The following MUSK variants were observed in gnomAD, a reference collection of about 807,000 sequenced individuals.
MUSK encodes muscle, skeletal receptor tyrosine-protein kinase.
In MUSK, 55 loss-of-function variants were observed where a neutral mutation model predicts 88.7. The observed-to-expected ratio is 0.62, with a 90% CI of 0.50 to 0.78. The LOEUF (loss-of-function observed/expected upper bound fraction) is 0.78, where lower values mean the gene tolerates loss of function less well. Among genes scored for constraint, MUSK ranks in the 30% least tolerant of loss-of-function variants. MUSK has a pLI of 0.00. For missense variants in MUSK, 1,015 were observed against 1,074.3 expected, an observed-to-expected ratio of 0.94 and a Z score of 0.77; for synonymous variants, 387 against 391.9, an observed-to-expected ratio of 0.99 and a Z score of 0.15.
intron 11 of MUSK, among the ~76,000 whole-genome samples, chr9:110,782,476 G>A (rs1353067607): frequency 6.6e-6 from 1 of 152,060 alleles, no homozygotes; most frequent in African/African-American, 2.4e-5. Context: ...CTTTTAACAT[G>A]ACAGTAAATT....
intron 6 of MUSK, 97 bp downstream of exon 6, chr9:110,734,472 T>C (rs765837531): frequency 3.2e-5 from 48 of 1,510,800 alleles, no homozygotes; most frequent in Non-Finnish European, 3.9e-5. Context: ...ATCTCTGTCA[T>C]TGGTCTCACC....
intron 6 of MUSK, among the ~76,000 whole-genome samples, chr9:110,742,270 C>T (rs146085463): frequency 4.3e-4 from 66 of 152,088 alleles, no homozygotes; most frequent in African/African-American, 6.3e-4. Flanking sequence ...CTGGCTAACA[C>T]GGTGAAAACC....
intron 5 of MUSK, among the ~76,000 whole-genome samples, chr9:110,720,435 G>T (rs1399512929): frequency 6.6e-6 from 1 of 151,910 alleles, no homozygotes; most frequent in South Asian, 2.1e-4. Flanking sequence ...ACAGAAATAT[G>T]AAACATTATT....
chr9:110,768,031 A>G lies in MUSK; in HGVS notation c.1132A>G (p.Ile378Val). Residue 378 changes from isoleucine (I) to valine (V), a missense_variant, in exon 9 of 15, where the codon ATC (isoleucine) becomes GTC (valine). Transcript: ENST00000374448. ...TGCTGAGGCTTTGTTGTGTAACCACATCTTCCAGGAGTGCAGTCCTGGAGT... is the reference window on the plus strand; with the variant it reads ...TGCTGAGGCTTTGTTGTGTAACCACGTCTTCCAGGAGTGCAGTCCTGGAGT... ...PAAEALLCNH[I>V]FQECSPGVVP... 2.5e-6 allele frequency: 4 copies of G among 1,614,010 alleles called. No individual in the cohort carries two copies. The highest frequency in any genetic ancestry group is 3.4e-6 in the Non-Finnish European group (4 of 1,179,870).
At chr9:110,697,044 T>C (rs2076439326) in intron 4 of MUSK, among the ~76,000 whole-genome samples, 1 of 148,248 alleles carries the variant, frequency 6.7e-6, no homozygotes, top group Non-Finnish European at 1.5e-5. Context: ...ATATATATTA[T>C]ACATATACAT....
chr9:110,669,700 T>C (rs975960603), intron 1 of MUSK, among the ~76,000 whole-genome samples: 3 of 152,218 alleles, frequency 2.0e-5, no homozygotes, highest in Non-Finnish European at 4.4e-5. Flanking sequence ...ATATAGTTTC[T>C]GGCCAGTGTA....
At chr9:110,764,680 G>C (rs1192947133) in intron 8 of MUSK, among the ~76,000 whole-genome samples, 1 of 152,044 alleles carries the variant, frequency 6.6e-6, no homozygotes, top group South Asian at 2.1e-4. Context: ...ACCTTTTAGA[G>C]CTAATCCAAG....
chr9:110,761,964 T>C (rs921511751), intron 7 of MUSK: 6 of 976,232 alleles, frequency 6.1e-6, no homozygotes, highest in South Asian at 4.7e-5. Flanking sequence ...TTACCCATGA[T>C]TGACTCAGTT....
intron 5 of MUSK, among the ~76,000 whole-genome samples, chr9:110,713,995 C>T (rs1302430691): frequency 6.6e-6 from 1 of 152,080 alleles, no homozygotes; most frequent in Admixed American, 6.6e-5. Context: ...TTATGTAAAT[C>T]TAAAATTATT....
At chr9:110,691,092 T>A (rs980536306) in intron 3 of MUSK, among the ~76,000 whole-genome samples, 7 of 151,780 alleles carry the variant, frequency 4.6e-5, no homozygotes, top group Non-Finnish European at 8.8e-5. Flanking sequence ...CTCAAACTCC[T>A]AACCTTGAGT....
intron 5 of MUSK, among the ~76,000 whole-genome samples, chr9:110,709,332 T>C (rs1162868495): frequency 2.0e-5 from 3 of 152,206 alleles, no homozygotes; most frequent in South Asian, 2.1e-4. Flanking sequence ...GTTAATAACA[T>C]GGGTGGTAGG....
At chr9:110,730,720 T>G (rs1311072019) in intron 5 of MUSK, among the ~76,000 whole-genome samples, 1 of 152,112 alleles carries the variant, frequency 6.6e-6, no homozygotes, top group Non-Finnish European at 1.5e-5. Context: ...CTCATCACCT[T>G]TTTACCTTTC....
intron 4 of MUSK, 75 bp downstream of exon 4, chr9:110,695,605 C>A: frequency 2.5e-6 from 3 of 1,215,308 alleles, no homozygotes; most frequent in South Asian, 3.0e-5. Context: ...CACTCAGTTA[C>A]ACACTTACAA....
chr9:110,703,320 T>G (rs896650381), intron 5 of MUSK, among the ~76,000 whole-genome samples: 1 of 152,082 alleles, frequency 6.6e-6, no homozygotes, highest in African/African-American at 2.4e-5. Context: ...GCAGATTACT[T>G]GAGGTCAGGA....
Position 110,800,646 on chromosome 9 carries a change from C to T in MUSK, c.2268C>T (p.Tyr756=). The change falls in exon 15 of 15, where the codon TAC becomes TAT. Residue 756 remains tyrosine (Y), a synonymous_variant. Transcript: ENST00000374448. Reference sequence around the variant, plus strand: ...GGAACATCTACTCAGCAGACTACTACAAAGCTAATGAAAACGACGCTATCC... The same window carrying T: ...GGAACATCTACTCAGCAGACTACTATAAAGCTAATGAAAACGACGCTATCC... ...LSRNIYSADY[Y]KANENDAIPI... 1.9e-6 allele frequency: 3 copies of T among 1,586,558 alleles called. No homozygotes were observed. Among genetic ancestry groups the T allele is most frequent in the Non-Finnish European group, 2.6e-6 (3 of 1,160,304 alleles).
At chr9:110,685,703 G>A (rs571911782) in intron 2 of MUSK, among the ~76,000 whole-genome samples, 1 of 151,942 alleles carries the variant, frequency 6.6e-6, no homozygotes, top group African/African-American at 2.4e-5. Context: ...ATATTTCTAC[G>A]AATAGTCTGT....
intron 11 of MUSK, among the ~76,000 whole-genome samples, chr9:110,779,084 C>G (rs78733941): frequency 1.3e-4 from 15 of 115,828 alleles, no homozygotes; most frequent in Non-Finnish European, 2.4e-4. Flanking sequence ...GTGTGTGTGT[C>G]TGTGTAAAAC....
intron 5 of MUSK, among the ~76,000 whole-genome samples, chr9:110,731,236 C>T (rs2076959362): frequency 6.6e-6 from 1 of 151,924 alleles, no homozygotes; most frequent in Non-Finnish European, 1.5e-5. Context: ...CAAAGCAAAC[C>T]TTGCCCTTGT....
At chr9:110,704,623 G>C (rs2076572431) in intron 5 of MUSK, among the ~76,000 whole-genome samples, 1 of 152,134 alleles carries the variant, frequency 6.6e-6, no homozygotes. Flanking sequence ...GTAAAGAACA[G>C]TATATCTTAT....
Sources: gnomAD v4.1 joint callset for allele counts (sites outside exome capture counted in the v4.1 genomes callset) on GRCh38, gnomAD v4.1.1 for gene constraint, MANE v1.5 for transcripts, NCBI Gene and HGNC (gene_info 2026-07-23, HGNC 2026-07-21) for gene names.